Variants in ASIC4 observed in about 807,000 individuals in gnomAD.
The protein encoded by ASIC4 is acid-sensing ion channel 4.
A neutral mutation model predicts 53.4 loss-of-function variants in ASIC4; 28 were observed. The observed-to-expected ratio is 0.52, with a 90% CI of 0.39 to 0.72. The LOEUF is 0.72. ASIC4 is among the 30% of genes least tolerant of loss of function. The probability of loss-of-function intolerance (pLI) is 0.00; values close to 1 mark genes in which losing one functional copy is unlikely to be tolerated. For missense variants in ASIC4, 649 were observed against 729.7 expected (o/e 0.89, Z 1.27); for synonymous variants, 289 against 301.4 (o/e 0.96, Z 0.43).
In ASIC4 at chr2:219,537,853, A is replaced by G. The variant is rs577597258; in HGVS notation, c.1507-80A>G. 2.7e-6 allele frequency: 4 copies of G among 1,493,764 alleles called. No individual in the cohort carries two copies. The highest frequency in any genetic ancestry group is 3.9e-5 in the Admixed American group (2 of 51,486). 92.5% of individuals were successfully genotyped at this position (1,493,764 alleles called of 1,614,324 possible). ...CCCTGGAGCCTCTGCCCGAGGTGAC[A>G]AGGAAAGGCTGGCGGTGTGAGCCCT... On this transcript the variant is annotated intron_variant, in intron 9 of 9. Transcript: ENST00000358078. The surrounding 1 kb of genome is among the most constrained non-coding windows in gnomAD (Gnocchi z 4.9).
chr2:219,532,705 C>G, intron 4 of ASIC4, 178 bp from the exon 5 acceptor site: 1 of 807,092 alleles, frequency 1.2e-6, no homozygotes, highest in Admixed American at 2.8e-5. Context: ...TATTTGTGTA[C>G]GTGCATGCTC....
At chr2:219,533,709 G>A (rs1452594387) in intron 5 of ASIC4, 1 of 153,182 alleles carries the variant, frequency 6.5e-6, no homozygotes, top group Admixed American at 6.5e-5. Context: ...TGTGGCTGCA[G>A]GGCAGAGAAC....
chr2:219,511,575 C>T (rs985457914), upstream of ASIC4, among the ~76,000 whole-genome samples: 9 of 152,266 alleles, frequency 5.9e-5, no homozygotes, highest in East Asian at 1.9e-4. This position sits in a 1 kb window ranked among gnomAD's most constrained non-coding sequence, Gnocchi z 5.3. Flanking sequence ...ATTCTGACCC[C>T]GCAACACCCA....
intron 1 of ASIC4, among the ~76,000 whole-genome samples, chr2:219,524,510 G>A (rs545035587): frequency 3.9e-5 from 6 of 152,348 alleles, no homozygotes; most frequent in Admixed American, 3.9e-4. Context: ...TATATAAAGT[G>A]CTTAGAACTG....
chr2:219,537,444 T>G lies in ASIC4; in HGVS notation c.1401+123T>G, dbSNP rs1574496888. The G allele has an allele frequency of 5.7e-6, 7 of 1,236,298 alleles. No homozygotes were observed. Among genetic ancestry groups the G allele is most frequent in the Non-Finnish European group, 8.0e-6 (7 of 874,452 alleles). 76.6% of individuals were successfully genotyped at this position (1,236,298 alleles called of 1,614,324 possible). On this transcript the variant is annotated intron_variant, in intron 8 of 9. Coordinates refer to ENST00000358078, the MANE Select transcript of ASIC4 (RefSeq NM_018674.6). This position sits in a 1 kb window ranked among gnomAD's most constrained non-coding sequence, Gnocchi z 4.9. ...TCAGGTTCAGGGTTCTCTGCCAGGG[T>G]CCCCTGACTGGCTGGCAGGCCTGAG... is the stretch of plus-strand genomic sequence containing the variant.
At position 219,517,596 on chromosome 2, in the gene ASIC4, T is replaced by C. The variant is rs1372266897; in HGVS notation, c.582+2290T>C. ...ATTCACCAGGGTCTGGAATTACAGATTGGGCTGGGGGCCCATGATCCATGG... is the reference window on the plus strand; with the variant it reads ...ATTCACCAGGGTCTGGAATTACAGACTGGGCTGGGGGCCCATGATCCATGG... On this transcript the variant is annotated intron_variant, in intron 1 of 9. Transcript: ENST00000358078. The surrounding 1 kb of genome is among the most constrained non-coding windows in gnomAD (Gnocchi z 4.2). Among the ~76,000 whole-genome samples the C allele has an allele frequency of 2.6e-5, 4 of 152,198 alleles. No homozygotes were observed. Among genetic ancestry groups the C allele is most frequent in the Non-Finnish European group, 5.9e-5 (4 of 68,028 alleles).
At chr2:219,522,185 C>G (rs867308946) in intron 1 of ASIC4, among the ~76,000 whole-genome samples, 1 of 152,072 alleles carries the variant, frequency 6.6e-6, no homozygotes, top group Non-Finnish European at 1.5e-5. Flanking sequence ...CTGCAGCAGC[C>G]GAGGCGGCAG....
upstream of ASIC4, chr2:219,514,478 G>C (rs751361862): frequency 6.4e-7 from 1 of 1,550,538 alleles, no homozygotes; most frequent in Non-Finnish European, 8.7e-7. Flanking sequence ...ACAAGGAGAC[G>C]ATCGAGGAGA....
upstream of ASIC4, among the ~76,000 whole-genome samples, chr2:219,509,808 G>A (rs558278577): frequency 1.6e-3 from 239 of 152,214 alleles, 2 homozygotes; most frequent in Non-Finnish European, 1.6e-3. The surrounding 1 kb of genome is among the most constrained non-coding windows in gnomAD (Gnocchi z 5.2). Flanking sequence ...CAAGGTCTCG[G>A]TGCCAGCGCT....
intron 2 of ASIC4, 43 bp from the exon 3 acceptor site, chr2:219,531,958 T>G: frequency 6.2e-7 from 1 of 1,613,006 alleles, no homozygotes; most frequent in Non-Finnish European, 8.5e-7. Context: ...CTGGGCCCTC[T>G]GCCTGGGATG....
chr2:219,533,204 G>A (rs1365501489), intron 5 of ASIC4: 7 of 556,452 alleles, frequency 1.3e-5, no homozygotes, highest in African/African-American at 3.8e-5. Flanking sequence ...TCTCATCTTG[G>A]TTCAGCCAAT....
chr2:219,520,343 G>A (rs986147258), intron 1 of ASIC4, among the ~76,000 whole-genome samples: 2 of 152,248 alleles, frequency 1.3e-5, no homozygotes, highest in Admixed American at 1.3e-4. Context: ...GGACAGCTCT[G>A]AGGCACAGAA....
upstream of ASIC4, chr2:219,514,453 C>T (rs115032706): frequency 7.0e-3 from 10,814 of 1,550,050 alleles, 69 homozygotes; most frequent in Non-Finnish European, 7.0e-3. Context: ...TGTGCTGGTG[C>T]TGATAAGGGA....
At chr2:219,519,727 C>T (rs916874198) in intron 1 of ASIC4, among the ~76,000 whole-genome samples, 5 of 152,206 alleles carry the variant, frequency 3.3e-5, no homozygotes, top group Admixed American at 3.3e-4. Flanking sequence ...GACAGCGCAG[C>T]TCTGGATGGC....
Position 219,537,151 on chromosome 2 carries a change from C to G in ASIC4, c.1315C>G (p.Leu439Val). ...GCGAGCAGCCTATGGCCTGTCAGCC[C>G]TGCTGGGTGAGACTGGTGTCCCTGC... ...EQRAAYGLSA[L>V]LGDLGGQMGL... Residue 439 changes from leucine (L) to valine (V), a missense_variant, in exon 7 of 10, where the codon CTG (leucine) becomes GTG (valine). By Grantham distance (32) the Leu-to-Val change is conservative (BLOSUM62 1). Coordinates refer to ENST00000358078, the MANE Select transcript of ASIC4 (RefSeq NM_018674.6). The surrounding 1 kb of genome is among the most constrained non-coding windows in gnomAD (Gnocchi z 4.9). 1 of 1,614,012 alleles carries G rather than the reference C, an allele frequency of 6.2e-7. No homozygotes were observed. The highest frequency in any genetic ancestry group is 1.3e-5 in the African/African-American group (1 of 75,040).
intron 1 of ASIC4, 82 bp downstream of exon 1, chr2:219,515,388 G>C: frequency 3.3e-6 from 5 of 1,502,124 alleles, no homozygotes; most frequent in Non-Finnish European, 4.5e-6. Context: ...TGGTGTACAG[G>C]GGCATCCTCA....
In ASIC4 at chr2:219,516,278, C is replaced by T. The variant is rs113441675; in HGVS notation, c.582+972C>T. On this transcript the variant is annotated intron_variant, in intron 1 of 9. Transcript: ENST00000358078. This position sits in a 1 kb window ranked among gnomAD's most constrained non-coding sequence, Gnocchi z 4.9. ...ATGCCATCCCTTCTCATGACACCCC[C>T]ACCCCCATCTATCCCAACCGCTGCT... Among the ~76,000 whole-genome samples, 3 of 152,174 alleles carry T rather than the reference C, an allele frequency of 2.0e-5. No individual in the cohort carries two copies. The highest frequency in any genetic ancestry group is 6.5e-5 in the Admixed American group (1 of 15,282).
chr2:219,513,726 C>T (rs900266537), upstream of ASIC4, among the ~76,000 whole-genome samples: 3 of 152,240 alleles, frequency 2.0e-5, no homozygotes, highest in Non-Finnish European at 2.9e-5. Context: ...CACAGATATG[C>T]AAGCTGGCCA....
chr2:219,531,655 T>G, intron 1 of ASIC4, 103 bp from the exon 2 acceptor site: 2 of 1,323,356 alleles, frequency 1.5e-6, no homozygotes, highest in East Asian at 2.3e-5. Context: ...GGGACTGGAG[T>G]GTCCAAGCAG....
Sources: gnomAD v4.1 joint callset for allele counts (sites outside exome capture counted in the v4.1 genomes callset) on GRCh38, gnomAD v4.1.1 for gene constraint, Gnocchi (gnomAD v3.1) non-coding constraint, MANE v1.5 for transcripts, NCBI Gene and HGNC (gene_info 2026-07-23, HGNC 2026-07-21) for gene names.